Variants in SMARCA4 observed in about 807,000 individuals in gnomAD.
SMARCA4 encodes the protein SWI/SNF related BAF chromatin remodeling complex subunit ATPase 4, also known as SWI/SNF-related matrix-associated actin-dependent regulator of chromatin subfamily A member 4.
Under a neutral mutation model 193.9 loss-of-function variants are expected in SMARCA4, and 31 were observed. The ratio of observed to expected loss-of-function variants is 0.16; its 90% CI spans 0.12 to 0.22. SMARCA4 has a LOEUF of 0.22. Among genes scored for constraint, SMARCA4 ranks in the 10% least tolerant of loss-of-function variants. SMARCA4 has a pLI of 1.00. For missense variants in SMARCA4, 1,148 were observed against 2,296.0 expected (o/e 0.50, Z 10.22); for synonymous variants, 942 against 933.1 (o/e 1.01, Z -0.17).
At chr19:11,043,076 A>T (rs1431784977) in intron 30 of SMARCA4, among the ~76,000 whole-genome samples, 1 of 152,158 alleles carries the variant, frequency 6.6e-6, no homozygotes, top group Admixed American at 6.5e-5. Flanking sequence ...GGATCACTTG[A>T]GGTCAGGAGT....
chr19:11,019,284 T>G lies in SMARCA4; in HGVS notation c.2505+261T>G, dbSNP rs1190857650. On this transcript the variant is annotated intron_variant, in intron 17 of 34. Transcript: ENST00000344626. The surrounding 1 kb of genome is among the most constrained non-coding windows in gnomAD (Gnocchi z 6.1). Reference sequence around the variant, plus strand: ...CAGAGGCCAGCTCAGGCGCCTGAGATGGGGACCCAGGAAGAGGGGAGCCTG... The same window carrying G: ...CAGAGGCCAGCTCAGGCGCCTGAGAGGGGGACCCAGGAAGAGGGGAGCCTG... 3.3e-6 allele frequency: 2 copies of G among 610,016 alleles called. No homozygotes were observed. Among genetic ancestry groups the G allele is most frequent in the Non-Finnish European group, 5.9e-6 (2 of 341,214 alleles). The allele number at this position is 610,016 out of a possible 1,614,324, so 37.8% of individuals were successfully genotyped here. A position where few individuals can be genotyped will look rare whatever the true frequency, so the allele number is the denominator to read the frequency against.
At chr19:11,055,346 C>T (rs753751737) in intron 30 of SMARCA4, among the ~76,000 whole-genome samples, 29 of 152,124 alleles carry the variant, frequency 1.9e-4, no homozygotes, top group Non-Finnish European at 2.8e-4. Context: ...CCTGTCACCA[C>T]GCCTGGCTCA....
In SMARCA4 at chr19:11,030,149, T is replaced by C. The variant is rs1354945307; in HGVS notation, c.3383-581T>C. The stretch of plus-strand genomic sequence containing the variant: ...TCCTTGACTTGGGTTTTCTGGGGCA[T>C]GGGGACACTGATCCTGCCAGAAAGG... On this transcript the variant is annotated intron_variant, in intron 24 of 34. Coordinates refer to ENST00000344626, the MANE Select transcript of SMARCA4 (RefSeq NM_003072.5). This position sits in a 1 kb window ranked among gnomAD's most constrained non-coding sequence, Gnocchi z 5.5. Among the ~76,000 whole-genome samples, 3 of 152,202 alleles carry C rather than the reference T, an allele frequency of 2.0e-5. No individual in the cohort carries two copies. In the East Asian group the frequency reaches 5.8e-4, roughly 29 times the overall value.
intron 7 of SMARCA4, among the ~76,000 whole-genome samples, chr19:10,990,149 C>T (rs945412530): frequency 2.6e-5 from 4 of 151,258 alleles, no homozygotes; most frequent in African/African-American, 9.7e-5. Context: ...ACCATTACAC[C>T]TGGCTATATT....
At chr19:10,976,070 T>C (rs17001070) in intron 1 of SMARCA4, among the ~76,000 whole-genome samples, 6,158 of 152,234 alleles carry the variant, frequency 0.04, 166 homozygotes, top group African/African-American at 0.06. Context: ...TGACTTATCA[T>C]TGAGGGCCCC....
intron 34 of SMARCA4, among the ~76,000 whole-genome samples, chr19:11,061,188 T>TTG (rs1178420558): frequency 1.5e-5 from 1 of 68,878 alleles, no homozygotes; most frequent in Admixed American, 1.9e-4. Context: ...ACCCTGTCTT[T>TTG]AAAAAAAAAA....
At chr19:10,963,672 A>G (rs994156535) in intron 1 of SMARCA4, among the ~76,000 whole-genome samples, 1 of 152,094 alleles carries the variant, frequency 6.6e-6, no homozygotes, top group Non-Finnish European at 1.5e-5. Context: ...TAGGACGAGG[A>G]TGCCCGAAAC....
intron 13 of SMARCA4, among the ~76,000 whole-genome samples, chr19:11,005,010 A>G (rs1445310147): frequency 6.6e-6 from 1 of 151,478 alleles, no homozygotes; most frequent in African/African-American, 2.4e-5. Flanking sequence ...TTTTTTTTGT[A>G]TTTTTAGTAG....
chr19:11,037,566 A>G (rs1172364482), intron 29 of SMARCA4, among the ~76,000 whole-genome samples: 1 of 152,164 alleles, frequency 6.6e-6, no homozygotes, highest in African/African-American at 2.4e-5. Context: ...TCATTTGTAA[A>G]TATTTTGTTC....
Position 11,031,199 on chromosome 19 carries a change from T to G in SMARCA4, c.3546+306T>G, listed in dbSNP as rs540270270. On this transcript the variant is annotated intron_variant, in intron 25 of 34. Coordinates refer to ENST00000344626, the MANE Select transcript of SMARCA4 (RefSeq NM_003072.5). The surrounding 1 kb of genome is among the most constrained non-coding windows in gnomAD (Gnocchi z 4.3). ...AGGAGGTGGAAAGTATCCTGATCAA[T>G]CTGCGCCGTCACTGTGGGGCGGCCC... 12 of 413,716 alleles carry G rather than the reference T, an allele frequency of 2.9e-5. No homozygotes were observed. Among genetic ancestry groups the G allele is most frequent in the Non-Finnish European group, 4.6e-5 (10 of 217,844 alleles). The allele number at this position is 413,716 out of a possible 1,614,324, so 25.6% of individuals were successfully genotyped here.
chr19:11,035,262 C>T (rs980142779), intron 29 of SMARCA4, 130 bp downstream of exon 29: 111 of 865,940 alleles, frequency 1.3e-4, no homozygotes, highest in Admixed American at 3.2e-4. Context: ...GGCCAGGCTC[C>T]GCAGGCAGCC....
rs2090370718 is a variant in SMARCA4 at position 11,027,777 on chromosome 19, A to G, written c.3216-7A>G. 3.7e-6 allele frequency: 6 copies of G among 1,613,182 alleles called. No homozygotes were observed. Among genetic ancestry groups the G allele is most frequent in the Admixed American group, 1.7e-5 (1 of 59,942 alleles). ...GCGCCTTCTCTCCTGCCTCCTCCAC[A>G]CTCCAGGCTGGACCTGTACCGAGCC... is the stretch of plus-strand genomic sequence containing the variant. On this transcript the variant is annotated splice_region_variant and splice_polypyrimidine_tract_variant and intron_variant, in intron 23 of 34. Transcript: ENST00000344626.
Position 11,062,104 on chromosome 19 carries a change from T to C in SMARCA4, c.*288T>C. ...TGTTTTTCTTTTCCGTTGCTGGCAG[T>C]ACTGTTGCGCCGCAGTTTGGAGTCA... On this transcript the variant is annotated 3_prime_UTR_variant, in exon 35 of 35. Transcript: ENST00000344626. 1.9e-6 allele frequency: 1 copy of C among 518,888 alleles called. No homozygotes were observed. Among genetic ancestry groups the C allele is most frequent in the South Asian group, 2.1e-5 (1 of 47,796 alleles). 32.1% of individuals were successfully genotyped at this position (518,888 alleles called of 1,614,324 possible). A position where few individuals can be genotyped will look rare whatever the true frequency, so the allele number is the denominator to read the frequency against.
chr19:10,977,543 T>A (rs4804558), intron 1 of SMARCA4: 1 of 151,872 alleles, frequency 6.6e-6, no homozygotes, highest in Non-Finnish European at 1.5e-5. Context: ...AGGCTGGTGT[T>A]GAACTTCTCA....
intron 34 of SMARCA4, among the ~76,000 whole-genome samples, chr19:11,061,204 A>AAAAAAAAAT (rs1555797070): frequency 4.4e-5 from 2 of 45,226 alleles, no homozygotes; most frequent in African/African-American, 2.3e-4. Flanking sequence ...AAAAAAAAAA[A>AAAAAAAAAT]ATATATATAT....
chr19:11,041,205 G>A lies in SMARCA4; in HGVS notation c.4171-102G>A, dbSNP rs2075587648. 7.8e-6 allele frequency: 10 copies of A among 1,280,480 alleles called. No individual in the cohort carries two copies. In the East Asian group the frequency reaches 9.3e-5, roughly 12 times the overall value. The allele number at this position is 1,280,480 out of a possible 1,614,324, so 79.3% of individuals were successfully genotyped here. On this transcript the variant is annotated intron_variant, in intron 29 of 34. Coordinates refer to ENST00000344626, the MANE Select transcript of SMARCA4 (RefSeq NM_003072.5). This position sits in a 1 kb window ranked among gnomAD's most constrained non-coding sequence, Gnocchi z 5.6. ...AAGCTGAAGGGAGAGCGGGTGCGGG[G>A]GCCCTCCTCCGTGTCCCAGCCCGGC...
Position 11,027,878 on chromosome 19 carries a change from C to G in SMARCA4, c.3310C>G (p.Gln1104Glu). 6.2e-7 allele frequency: 1 copy of G among 1,614,134 alleles called. No individual in the cohort carries two copies. The highest frequency in any genetic ancestry group is 8.5e-7 in the Non-Finnish European group (1 of 1,180,016). Residue 1104 changes from glutamine (Q) to glutamate (E), a missense_variant, in exon 24 of 35, where the codon CAA (glutamine) becomes GAA (glutamate). Around this residue, in one of 17 missense-constraint regions of SMARCA4, gnomAD observed 74 missense variants for 392.3 expected, o/e 0.19. Coordinates refer to ENST00000344626, the MANE Select transcript of SMARCA4 (RefSeq NM_003072.5). ...ATNHKVLLFC[Q>E]MTSLMTIMED... is the part of the protein sequence containing the mutation. ...CAACCACAAAGTGCTGCTGTTCTGCCAAATGACCTCCCTCATGACCATCAT... is the reference window on the plus strand; with the variant it reads ...CAACCACAAAGTGCTGCTGTTCTGCGAAATGACCTCCCTCATGACCATCAT...
chr19:11,054,443 C>T (rs1340692825), intron 30 of SMARCA4, among the ~76,000 whole-genome samples: 1 of 152,202 alleles, frequency 6.6e-6, no homozygotes, highest in Non-Finnish European at 1.5e-5. Flanking sequence ...CAACCTCGGC[C>T]CAGGATCATC....
intron 7 of SMARCA4, 66 bp downstream of exon 7, chr19:10,989,509 C>A (rs998730076): frequency 6.3e-7 from 1 of 1,585,556 alleles, no homozygotes; most frequent in Non-Finnish European, 8.6e-7. Context: ...TGCTAAGGCT[C>A]CAAATACGGC....
Sources: gnomAD v4.1 joint callset for allele counts (sites outside exome capture counted in the v4.1 genomes callset) on GRCh38, gnomAD v4.1.1 for gene constraint, gnomAD v4.1.1 regional missense constraint, Gnocchi (gnomAD v3.1) non-coding constraint, MANE v1.5 for transcripts, NCBI Gene and HGNC (gene_info 2026-07-23, HGNC 2026-07-21) for gene names.